Variants in TRHDE observed in about 807,000 individuals in gnomAD.
TRHDE encodes thyrotropin releasing hormone degrading enzyme, also known as thyrotropin-releasing hormone-degrading ectoenzyme.
In TRHDE, 72 loss-of-function variants were observed where a neutral mutation model predicts 125.7. That is an observed-to-expected ratio of 0.57 (90% confidence interval 0.47 to 0.70). The LOEUF is 0.70. Among genes scored for constraint, TRHDE ranks in the 30% least tolerant of loss-of-function variants. The pLI is 0.00. For missense variants in TRHDE, 1,110 were observed against 1,327.1 expected, an observed-to-expected ratio of 0.84 and a Z score of 2.54; for synonymous variants, 509 against 509.1, an observed-to-expected ratio of 1.00 and a Z score of 0.00.
intron 2 of TRHDE, among the ~76,000 whole-genome samples, chr12:72,163,344 C>T (rs1180046233): frequency 6.6e-6 from 1 of 152,192 alleles, no homozygotes; most frequent in Admixed American, 6.5e-5. Context: ...AGGTTCCTCT[C>T]AAAGGGATGA....
chr12:72,613,115 G>T (rs1417215178), intron 12 of TRHDE, among the ~76,000 whole-genome samples: 1 of 152,098 alleles, frequency 6.6e-6, no homozygotes, highest in East Asian at 1.9e-4. Flanking sequence ...TAGGAGAAAG[G>T]GATTTCTAAG....
chr12:72,387,310 T>C (rs778119221), intron 3 of TRHDE, among the ~76,000 whole-genome samples: 1 of 152,196 alleles, frequency 6.6e-6, no homozygotes, highest in African/African-American at 2.4e-5. Flanking sequence ...ACTCTAAATG[T>C]ATCCAGAATC....
At chr12:72,485,124 C>T (rs1208090796) in intron 5 of TRHDE, among the ~76,000 whole-genome samples, 5 of 152,116 alleles carry the variant, frequency 3.3e-5, no homozygotes, top group Non-Finnish European at 7.4e-5. Context: ...CTTCAGTCTT[C>T]GTAGGCTCTG....
At chr12:72,176,998 G>A (rs1877002666) in intron 2 of TRHDE, among the ~76,000 whole-genome samples, 1 of 152,074 alleles carries the variant, frequency 6.6e-6, no homozygotes, top group South Asian at 2.1e-4. Flanking sequence ...CAGCCCAATA[G>A]ATCATGACGA....
intron 2 of TRHDE, among the ~76,000 whole-genome samples, chr12:72,323,562 C>T (rs1185618263): frequency 6.6e-6 from 1 of 152,096 alleles, no homozygotes; most frequent in African/African-American, 2.4e-5. Context: ...CCTGACTCTA[C>T]CCCCTCATCT....
At chr12:72,490,206 A>C (rs1261705480) in intron 5 of TRHDE, among the ~76,000 whole-genome samples, 1 of 151,926 alleles carries the variant, frequency 6.6e-6, no homozygotes, top group African/African-American at 2.4e-5. Flanking sequence ...AGAGACATAA[A>C]AATAGCCAGC....
chr12:72,398,191 C>T (rs1382441041), intron 3 of TRHDE, among the ~76,000 whole-genome samples: 1 of 151,906 alleles, frequency 6.6e-6, no homozygotes, highest in African/African-American at 2.4e-5. Flanking sequence ...GCATAGTATT[C>T]CATGGTGTAT....
chr12:72,144,144 A>T (rs1876175499), intron 2 of TRHDE, among the ~76,000 whole-genome samples: 2 of 152,184 alleles, frequency 1.3e-5, no homozygotes, highest in African/African-American at 4.8e-5. Context: ...CTCAATCAGG[A>T]GAGAAACAGT....
chr12:72,429,115 G>A (rs1874315356), intron 3 of TRHDE, among the ~76,000 whole-genome samples: 1 of 152,054 alleles, frequency 6.6e-6, no homozygotes, highest in African/African-American at 2.4e-5. Context: ...AACACTGCAT[G>A]TTCTCACTTG....
intron 7 of TRHDE, among the ~76,000 whole-genome samples, chr12:72,553,048 A>G (rs1336117907): frequency 6.6e-6 from 1 of 152,142 alleles, no homozygotes; most frequent in African/African-American, 2.4e-5. Flanking sequence ...ATATTTTTTC[A>G]GTGTTTTTTG....
intron 3 of TRHDE, among the ~76,000 whole-genome samples, chr12:72,434,054 A>G (rs1565739905): frequency 3.3e-5 from 5 of 152,120 alleles, no homozygotes; most frequent in Admixed American, 2.6e-4. Context: ...GCCACAGACA[A>G]TCACCGTTCT....
chr12:72,465,105 T>A (rs920644228), intron 3 of TRHDE, among the ~76,000 whole-genome samples: 5 of 152,200 alleles, frequency 3.3e-5, no homozygotes, highest in Non-Finnish European at 7.3e-5. Flanking sequence ...ATGGGTATAG[T>A]CTCATAACAA....
chr12:72,157,514 TC>T (rs1264786901), intron 2 of TRHDE, among the ~76,000 whole-genome samples: 1 of 152,310 alleles, frequency 6.6e-6, no homozygotes, highest in Admixed American at 6.5e-5. Flanking sequence ...ACTGTCAGGT[TC>T]CAAGTATACT....
At chr12:72,284,906 G>A (rs1019102960) in intron 1 of TRHDE, among the ~76,000 whole-genome samples, 1 of 152,090 alleles carries the variant, frequency 6.6e-6, no homozygotes, top group African/African-American at 2.4e-5. Flanking sequence ...GGAAAGCCTG[G>A]AAAACATATT....
At chr12:72,446,314 AT>A (rs1406790182) in intron 3 of TRHDE, among the ~76,000 whole-genome samples, 7 of 151,528 alleles carry the variant, frequency 4.6e-5, no homozygotes, top group African/African-American at 1.7e-4. Context: ...CCTCTGAGAG[AT>A]TTTGTCACCA....
rs528780300 is a variant in TRHDE, at chr12:72,477,320, A to G, written c.1584+4140A>G. Reference sequence around the variant, plus strand: ...CTTCTTAGGCTTATACCAATTATTTATACGTACAAAATAAACTTGGTATCT... The same window carrying G: ...CTTCTTAGGCTTATACCAATTATTTGTACGTACAAAATAAACTTGGTATCT... On this transcript the variant is annotated intron_variant, in intron 5 of 18. Coordinates refer to ENST00000261180, the MANE Select transcript of TRHDE (RefSeq NM_013381.3). Among the ~76,000 whole-genome samples the G allele has an allele frequency of 7.2e-5, 11 of 152,308 alleles. No homozygotes were observed. The South Asian group carries it at 2.3e-3, about 32-fold the overall frequency.
chr12:72,361,553 AT>A (rs60296809), intron 2 of TRHDE, among the ~76,000 whole-genome samples: 11,282 of 148,920 alleles, frequency 0.076, 673 homozygotes, highest in African/African-American at 0.16. Flanking sequence ...TTTATAATTT[AT>A]TTTTTTTTTA....
chr12:72,421,568 A>G (rs1398453808), intron 3 of TRHDE, among the ~76,000 whole-genome samples: 3 of 152,216 alleles, frequency 2.0e-5, no homozygotes, highest in Admixed American at 6.5e-5. Context: ...TTTTTGCTAC[A>G]TTTTGTTGGT....
chr12:72,647,376 C>T (rs1463107591), intron 15 of TRHDE, among the ~76,000 whole-genome samples: 3 of 151,642 alleles, frequency 2.0e-5, no homozygotes, highest in Non-Finnish European at 4.4e-5. Flanking sequence ...TTTATAATGA[C>T]CTGAAACTAC....
Sources: allele counts gnomAD v4.1 joint callset (sites outside exome capture counted in the v4.1 genomes callset), GRCh38; gene constraint gnomAD v4.1.1; transcripts MANE v1.5; gene names NCBI Gene and HGNC (gene_info 2026-07-23, HGNC 2026-07-21).